Variants in MYH9 observed in about 807,000 individuals in gnomAD.
The protein encoded by MYH9 is myosin-9.
A neutral mutation model predicts 241.9 loss-of-function variants in MYH9; 29 were observed. The ratio of observed to expected loss-of-function variants is 0.12; its 90% CI spans 0.09 to 0.16. The LOEUF (loss-of-function observed/expected upper bound fraction) is 0.16. Ranked by LOEUF, MYH9 falls within the 10% of genes least tolerant of loss-of-function variation. MYH9 has a pLI of 1.00. For missense variants in MYH9, 1,803 were observed against 2,595.5 expected (o/e 0.69, Z 6.63); for synonymous variants, 1,047 against 1,062.6 (o/e 0.99, Z 0.29).
chr22:36,310,561 C>T (rs1013739190), intron 14 of MYH9, among the ~76,000 whole-genome samples: 1 of 152,194 alleles, frequency 6.6e-6, no homozygotes, highest in Non-Finnish European at 1.5e-5. Context: ...AGCGAATGCA[C>T]GCTGCTGCAT....
Position 36,327,205 on chromosome 22 carries a change from C to T in MYH9, c.518+256G>A, listed in dbSNP as rs115175486. On this transcript the variant is annotated intron_variant, in intron 4 of 40. Coordinates refer to ENST00000216181, the MANE Select transcript of MYH9 (RefSeq NM_002473.6). ...GGATTGTGGAGAGATCTTGCTTTTC[C>T]TTTCTGCCATAAGCTCCACCCTCCT... 2.6e-3 allele frequency among the ~76,000 whole-genome samples: 389 copies of T among 152,302 alleles called. 2 individuals carry two copies. Among genetic ancestry groups the T allele is most frequent in the African/African-American group, 8.3e-3 (346 of 41,564 alleles).
chr22:36,363,191 A>T (rs2017962029), intron 1 of MYH9, among the ~76,000 whole-genome samples: 1 of 152,046 alleles, frequency 6.6e-6, no homozygotes, highest in South Asian at 2.1e-4. Context: ...TGAATTACTC[A>T]CCCTTCTCCC....
intron 1 of MYH9, among the ~76,000 whole-genome samples, chr22:36,349,794 C>T (rs1277029493): frequency 6.6e-6 from 1 of 152,178 alleles, no homozygotes; most frequent in Non-Finnish European, 1.5e-5. Flanking sequence ...ATCAAGAAAA[C>T]TATTGTGCCA....
chr22:36,302,730 AAC>A, intron 19 of MYH9, 54 bp from the exon 20 acceptor site: 1 of 1,485,692 alleles, frequency 6.7e-7, no homozygotes, highest in Non-Finnish European at 9.4e-7. Context: ...GACCCGACCT[AAC>A]AGTCCTGGTC....
intron 10 of MYH9, among the ~76,000 whole-genome samples, chr22:36,318,628 C>T (rs1431658754): frequency 1.3e-5 from 2 of 152,210 alleles, no homozygotes; most frequent in Admixed American, 6.5e-5. Context: ...GAGGCCACAG[C>T]GGCAGCAGTG....
chr22:36,291,871 G>C (rs1048367315), intron 31 of MYH9, 115 bp downstream of exon 31: 7 of 1,520,416 alleles, frequency 4.6e-6, no homozygotes, highest in African/African-American at 1.4e-5. Flanking sequence ...GGCCCCGCAC[G>C]GCCCCTCCCC....
chr22:36,282,588 G>A lies in MYH9; in HGVS notation c.*80C>T, dbSNP rs1382928579. On this transcript the variant is annotated 3_prime_UTR_variant, in exon 41 of 41. Coordinates refer to ENST00000216181, the MANE Select transcript of MYH9 (RefSeq NM_002473.6). ...TTCACAGCAGTCCCAAGAAGGTGGG[G>A]AGAGGCGTGCTGCGGGGTCTGGGAA... 70 of 1,282,428 alleles carry A rather than the reference G, an allele frequency of 5.5e-5. No homozygotes were observed. Among genetic ancestry groups the A allele is most frequent in the South Asian group, 5.0e-4 (42 of 84,784 alleles). The allele number at this position is 1,282,428 out of a possible 1,614,324, so 79.4% of individuals were successfully genotyped here. A position where few individuals can be genotyped will look rare whatever the true frequency, so the allele number is the denominator to read the frequency against.
intron 23 of MYH9, 55 bp from the exon 24 acceptor site, chr22:36,299,097 C>G (rs2016834324): frequency 1.9e-6 from 3 of 1,611,480 alleles, no homozygotes; most frequent in Non-Finnish European, 1.7e-6. Context: ...AGAACACTTG[C>G]TAGCCTCAAA....
intron 1 of MYH9, among the ~76,000 whole-genome samples, chr22:36,356,282 T>A (rs7285983): frequency 3.7e-4 from 57 of 152,248 alleles, no homozygotes; most frequent in African/African-American, 1.4e-3. Context: ...GCTTCCATTG[T>A]TAAGAAAGAT....
At chr22:36,336,581 G>A (rs1052216858) in intron 3 of MYH9, among the ~76,000 whole-genome samples, 2 of 152,242 alleles carry the variant, frequency 1.3e-5, no homozygotes, top group African/African-American at 4.8e-5. Flanking sequence ...AAGGCAGGAA[G>A]ACCCAGGAAC....
intron 6 of MYH9, 28 bp from the exon 7 acceptor site, chr22:36,321,849 A>G (rs770222405): frequency 1.2e-6 from 2 of 1,603,328 alleles, no homozygotes; most frequent in South Asian, 2.2e-5. Context: ...GCAAGAGATC[A>G]GAGGTGCCCC....
chr22:36,294,940 T>C lies in MYH9; in HGVS notation c.3622A>G (p.Thr1208Ala). Residue 1208 changes from threonine (T) to alanine (A), a missense_variant, in exon 27 of 41, where the codon ACG becomes GCG. Transcript: ENST00000216181. Reference protein sequence around the residue: ...VEELAEQLEQTKRVKANLEKA... With the variant: ...VEELAEQLEQAKRVKANLEKA... ...TCAGGGAGGCTCCGCACCCGCTTCG[T>C]CTGCTCCAGCTGCTCCGCCAGCTCC... is the stretch of plus-strand genomic sequence containing the variant. 6.2e-7 allele frequency: 1 copy of C among 1,613,492 alleles called. No homozygotes were observed. The highest frequency in any genetic ancestry group is 8.5e-7 in the Non-Finnish European group (1 of 1,180,016).
Position 36,285,268 on chromosome 22 carries a change from G to A in MYH9, c.5336C>T (p.Ala1779Val), listed in dbSNP as rs547342920. 2 of 1,613,978 alleles carry A rather than the reference G, an allele frequency of 1.2e-6. No individual in the cohort carries two copies. The highest frequency in any genetic ancestry group is 1.3e-5 in the African/African-American group (1 of 75,044). Residue 1779 changes from alanine to valine, a missense_variant, in exon 38 of 41, where the codon GCT (alanine) becomes GTT (valine). Physicochemically the swap from Ala to Val is moderately conservative, Grantham distance 64. Coordinates refer to ENST00000216181, the MANE Select transcript of MYH9 (RefSeq NM_002473.6). The surrounding 1 kb of genome is among the most constrained non-coding windows in gnomAD (Gnocchi z 7.0). ...GTTCTGGCGTTCCAGCTGCTGCCGA[G>A]CATTCTCGTTCTTCTGGGCGTGGCT... ...ERSHAQKNEN[A>V]RQQLERQNKE...
chr22:36,374,497 G>A (rs972214883), intron 1 of MYH9, among the ~76,000 whole-genome samples: 1 of 152,236 alleles, frequency 6.6e-6, no homozygotes, highest in Non-Finnish European at 1.5e-5. Context: ...TCCAGCCTGG[G>A]CGACAGAGTG....
At chr22:36,322,593 G>A (rs985318303) in intron 5 of MYH9, 72 bp from the exon 6 acceptor site, 25 of 1,447,578 alleles carry the variant, frequency 1.7e-5, no homozygotes, top group Non-Finnish European at 2.1e-5. Context: ...TGCCTGGAAG[G>A]GGGACGATGG....
chr22:36,286,626 A>G, intron 35 of MYH9, 92 bp downstream of exon 35: 1 of 1,549,944 alleles, frequency 6.5e-7, no homozygotes. Flanking sequence ...GGAGCCCAGT[A>G]GGACTCCAGC....
chr22:36,333,695 TA>T (rs1472645881), intron 3 of MYH9, among the ~76,000 whole-genome samples: 2 of 152,234 alleles, frequency 1.3e-5, no homozygotes, highest in Admixed American at 6.5e-5. Context: ...TCTCAACTGA[TA>T]ACTTCATTCC....
chr22:36,285,062 C>T lies in MYH9; in HGVS notation c.5483+59G>A. 3 of 1,534,468 alleles carry T rather than the reference C, an allele frequency of 2.0e-6. No homozygotes were observed. Among genetic ancestry groups the T allele is most frequent in the Admixed American group, 1.7e-5 (1 of 57,406 alleles). ...TGTGGCCCAGATTTGGGCAGGACTGCAGGGGGGCCAGAGTTTTTTCCAGGA... is the reference window on the plus strand; with the variant it reads ...TGTGGCCCAGATTTGGGCAGGACTGTAGGGGGGCCAGAGTTTTTTCCAGGA... On this transcript the variant is annotated intron_variant, in intron 38 of 40. Coordinates refer to ENST00000216181, the MANE Select transcript of MYH9 (RefSeq NM_002473.6). This position sits in a 1 kb window ranked among gnomAD's most constrained non-coding sequence, Gnocchi z 7.0.
chr22:36,350,446 A>C (rs1488509036), intron 1 of MYH9, among the ~76,000 whole-genome samples: 1 of 152,212 alleles, frequency 6.6e-6, no homozygotes, highest in Non-Finnish European at 1.5e-5. Flanking sequence ...CTGAGGCAGG[A>C]GAATCACTTG....
Sources: allele counts gnomAD v4.1 joint callset (sites outside exome capture counted in the v4.1 genomes callset), GRCh38; gene constraint gnomAD v4.1.1; non-coding constraint Gnocchi (gnomAD v3.1); transcripts MANE v1.5; gene names NCBI Gene and HGNC (gene_info 2026-07-23, HGNC 2026-07-21).